The following ZNF497 variants were observed in gnomAD, a reference collection of about 807,000 sequenced individuals.
ZNF497 encodes zinc finger-like protein.
For synonymous variants in ZNF497, 422 were observed against 313.7 expected, an observed-to-expected ratio of 1.35 and a Z score of -3.65; for missense variants, 930 against 714.0, an observed-to-expected ratio of 1.30 and a Z score of -3.45.
rs1383152773 is a variant in ZNF497, at chr19:58,356,760, G to A, written c.876C>T (p.His292=). The A allele has an allele frequency of 3.2e-6, 5 of 1,561,504 alleles. No individual in the cohort carries two copies. The highest frequency in any genetic ancestry group is 3.4e-6 in the Non-Finnish European group (4 of 1,160,352). The change falls in exon 3 of 3, where the codon CAC becomes CAT. Residue 292 remains histidine (H), a synonymous_variant. Transcript: ENST00000311044. The stretch of plus-strand genomic sequence containing the variant: ...GCTTCTCGCTGCTGTGCGTGCGCCG[G>A]TGCTGCCGCAGCCCCGCCACACGCA... ...AFVRVAGLRQ[H]RRTHSSEKPF...
In ZNF497 at chr19:58,356,358, G is replaced by A. The variant is rs1187097103; in HGVS notation, c.1278C>T (p.Ser426=). ...CAECGKAFRG[S]SELRQHQRLH... ...GGCGCTGGTGCTGGCGCAGCTCGGA[G>A]CTGCCGCGGAAGGCCTTGCCGCATT... Residue 426 remains serine (S), a synonymous_variant, in exon 3 of 3, where the codon AGC becomes AGT. Coordinates refer to ENST00000311044, the MANE Select transcript of ZNF497 (RefSeq NM_198458.3). The A allele has an allele frequency of 3.8e-6, 6 of 1,566,202 alleles. No individual in the cohort carries two copies. In the East Asian group the frequency reaches 1.2e-4, roughly 31 times the overall value.
rs1354445114 is a variant in ZNF497 at position 58,354,915 on chromosome 19, G to C, written c.*1224C>G. ...CATTGGCAATGAGGCTGCCCAGGCAGCCAGAGGCCTGGTCAAATCTGAGGT... is the reference window on the plus strand; with the variant it reads ...CATTGGCAATGAGGCTGCCCAGGCACCCAGAGGCCTGGTCAAATCTGAGGT... On this transcript the variant is annotated 3_prime_UTR_variant, in exon 3 of 3. Transcript: ENST00000311044. 6.6e-6 allele frequency: 1 copy of C among 152,378 alleles called. No individual in the cohort carries two copies. Among genetic ancestry groups the C allele is most frequent in the Non-Finnish European group, 1.5e-5 (1 of 68,134 alleles). 9.4% of individuals were successfully genotyped at this position (152,378 alleles called of 1,614,324 possible).
intron 2 of ZNF497, 121 bp from the exon 3 acceptor site, chr19:58,357,770 G>T: frequency 8.2e-7 from 1 of 1,224,978 alleles, no homozygotes; most frequent in Non-Finnish European, 1.1e-6. Flanking sequence ...CAGGTCCCTG[G>T]ATGCCCAATG....
chr19:58,358,142 C>T, intron 2 of ZNF497: 7 of 1,263,302 alleles, frequency 5.5e-6, no homozygotes, highest in Non-Finnish European at 7.2e-6. Flanking sequence ...GGCCGGATCC[C>T]TGGGTAGTCC....
chr19:58,359,394 C>CT (rs1343228431), intron 1 of ZNF497: 1 of 562,046 alleles, frequency 1.8e-6, no homozygotes, highest in East Asian at 6.7e-5. Flanking sequence ...CCACCTGAGA[C>CT]TGAGTAAAAA....
chr19:58,356,405 C>G lies in ZNF497; in HGVS notation c.1231G>C (p.Glu411Gln), dbSNP rs1160591916. ...CATTCTGCGCAGGCGAAGGGTCGCT[C>G]TCCCGTGTGCGAAAGCCGGTGGTGC... The part of the protein sequence containing the change: ...LAHHRLSHTG[E>Q]RPFACAECGK... The change falls in exon 3 of 3, where the codon GAG becomes CAG. Residue 411 changes from glutamate to glutamine, a missense_variant. Coordinates refer to ENST00000311044, the MANE Select transcript of ZNF497 (RefSeq NM_198458.3). 7.0e-6 allele frequency: 11 copies of G among 1,565,252 alleles called. No homozygotes were observed. The highest frequency in any genetic ancestry group is 9.5e-6 in the Non-Finnish European group (11 of 1,160,146).
chr19:58,357,931 G>A lies in ZNF497; in HGVS notation c.-14-282C>T, dbSNP rs902496663. 7 of 1,348,916 alleles carry A rather than the reference G, an allele frequency of 5.2e-6. No homozygotes were observed. The African/African-American group carries it at 5.9e-5, about 11-fold the overall frequency. 83.6% of individuals were successfully genotyped at this position (1,348,916 alleles called of 1,614,324 possible). On this transcript the variant is annotated intron_variant, in intron 2 of 2. Coordinates refer to ENST00000311044, the MANE Select transcript of ZNF497 (RefSeq NM_198458.3). ...GGAGGGGGCGCCAGCATCGCAGAAGGACTCAAAGTTGCCCACGCACCTGCA... is the reference window on the plus strand; with the variant it reads ...GGAGGGGGCGCCAGCATCGCAGAAGAACTCAAAGTTGCCCACGCACCTGCA...
At position 58,355,584 on chromosome 19, in the gene ZNF497, T is replaced by G. The variant is rs1191832084; in HGVS notation, c.*555A>C. 6.6e-6 allele frequency: 1 copy of G among 152,458 alleles called. No individual in the cohort carries two copies. The highest frequency in any genetic ancestry group is 2.4e-5 in the African/African-American group (1 of 41,440). The allele number at this position is 152,458 out of a possible 1,614,324, so 9.4% of individuals were successfully genotyped here. On this transcript the variant is annotated 3_prime_UTR_variant, in exon 3 of 3. Coordinates refer to ENST00000311044, the MANE Select transcript of ZNF497 (RefSeq NM_198458.3). The stretch of plus-strand genomic sequence containing the variant: ...TTCTGAGATTGATCTGGTTCTGACC[T>G]CGGTCAGGAATGCAGTGCTGAGCTT...
Position 58,357,178 on chromosome 19 carries a change from TG to T in ZNF497, c.457del (p.Gln153SerfsTer35), listed in dbSNP as rs762152928. 2 of 1,610,918 alleles carry T rather than the reference TG, an allele frequency of 1.2e-6. No individual in the cohort carries two copies. Among genetic ancestry groups the T allele is most frequent in the South Asian group, 2.2e-5 (2 of 90,914 alleles). On this transcript the variant is annotated frameshift_variant, in exon 3 of 3. Coordinates refer to ENST00000311044, the MANE Select transcript of ZNF497 (RefSeq NM_198458.3). ...GGGCTTCTCGCCGCTGTGGATGCGC[TG>T]GTGCTGGCTGAGGTTGGAGCTCCAG... ...FAWSSNLSQH[Q>X]RIHSGEKPYA...
At chr19:58,358,146 G>A (rs1228801975) in intron 2 of ZNF497, 2 of 1,256,382 alleles carry the variant, frequency 1.6e-6, no homozygotes, top group Non-Finnish European at 2.1e-6. Context: ...GGATCCCTGG[G>A]TAGTCCCCTC....
chr19:58,356,136 G>A lies in ZNF497; in HGVS notation c.*3C>T. 6.5e-7 allele frequency: 1 copy of A among 1,533,710 alleles called. No homozygotes were observed. Among genetic ancestry groups the A allele is most frequent in the Non-Finnish European group, 8.8e-7 (1 of 1,141,814 alleles). On this transcript the variant is annotated 3_prime_UTR_variant, in exon 3 of 3. Transcript: ENST00000311044. Reference sequence around the variant, plus strand: ...GCGACCTCCCGCTCAGGGCGTCCTCGGGTCAGGGCGCAGCGCGGCCCCCGT... The same window carrying A: ...GCGACCTCCCGCTCAGGGCGTCCTCAGGTCAGGGCGCAGCGCGGCCCCCGT...
At chr19:58,359,842 A>C (rs892960793) in intron 1 of ZNF497, among the ~76,000 whole-genome samples, 6 of 151,968 alleles carry the variant, frequency 3.9e-5, no homozygotes, top group African/African-American at 1.2e-4. Flanking sequence ...GCGTGGTGGC[A>C]GGCGCCTGTA....
chr19:58,361,948 G>C (rs1206756313), intron 1 of ZNF497, among the ~76,000 whole-genome samples: 1 of 152,268 alleles, frequency 6.6e-6, no homozygotes, highest in African/African-American at 2.4e-5. Flanking sequence ...CTGCCGTCCT[G>C]AGTCCGTCCT....
chr19:58,358,990 G>A (rs1399156661), intron 1 of ZNF497: 2 of 477,700 alleles, frequency 4.2e-6, no homozygotes, highest in South Asian at 3.1e-5. Context: ...GCTCCTGCGT[G>A]TAGGCCTGGA....
intron 1 of ZNF497, among the ~76,000 whole-genome samples, chr19:58,361,646 C>T (rs1347603022): frequency 6.6e-6 from 1 of 152,140 alleles, no homozygotes; most frequent in East Asian, 1.9e-4. Flanking sequence ...CATGAGCCAC[C>T]GCACCTGGCC....
In ZNF497 at chr19:58,357,609, C is replaced by G. The variant is rs774703110; in HGVS notation, c.27G>C (p.Leu9=). The change falls in exon 3 of 3, where the codon CTG becomes CTC. Residue 9 remains leucine, a synonymous_variant. Transcript: ENST00000311044. ...CCTGGCCTTCCTCTGGGGCCACCTG[C>G]AGGGTCCACCCTCTTGGGGACTCCA... MESPRGWT[L]QVAPEEGQVL... 6.5e-7 allele frequency: 1 copy of G among 1,548,190 alleles called. No individual in the cohort carries two copies. Among genetic ancestry groups the G allele is most frequent in the East Asian group, 2.3e-5 (1 of 44,422 alleles).
chr19:58,361,869 G>A (rs1216907543), intron 1 of ZNF497, among the ~76,000 whole-genome samples: 1 of 152,196 alleles, frequency 6.6e-6, no homozygotes, highest in African/African-American at 2.4e-5. Context: ...GGCGGAGCCA[G>A]GCACCGCTGC....
intron 1 of ZNF497, chr19:58,359,374 C>T (rs770500591): frequency 5.9e-6 from 4 of 680,610 alleles, no homozygotes; most frequent in South Asian, 2.9e-5. Context: ...CGAAGGTCCC[C>T]TCCTTGGGAC....
At chr19:58,358,630 G>T in intron 1 of ZNF497, 45 bp from the exon 2 acceptor site, 1 of 1,031,008 alleles carries the variant, frequency 9.7e-7, no homozygotes, top group Non-Finnish European at 1.3e-6. Flanking sequence ...GTTCAGCCTA[G>T]CAGATCTGAG....
Sources: gnomAD v4.1 joint callset for allele counts (sites outside exome capture counted in the v4.1 genomes callset) on GRCh38, gnomAD v4.1.1 for gene constraint, MANE v1.5 for transcripts, NCBI Gene and HGNC (gene_info 2026-07-23, HGNC 2026-07-21) for gene names.